The following RALGPS2 variants were observed in gnomAD, a reference collection of about 807,000 sequenced individuals.
The protein encoded by RALGPS2 is ras-specific guanine nucleotide-releasing factor RalGPS2.
A neutral mutation model predicts 86.8 loss-of-function variants in RALGPS2; 43 were observed. The ratio of observed to expected loss-of-function variants is 0.50; its 90% CI spans 0.39 to 0.64. RALGPS2 has a LOEUF of 0.64. RALGPS2 is among the 30% of genes least tolerant of loss of function. RALGPS2 has a pLI of 0.00. For synonymous variants in RALGPS2, 243 were observed against 231.3 expected (o/e 1.05, Z -0.46); for missense variants, 536 against 694.6 (o/e 0.77, Z 2.57).
intron 6 of RALGPS2, among the ~76,000 whole-genome samples, chr1:178,817,584 T>C (rs2102216630): frequency 6.6e-6 from 1 of 152,294 alleles, no homozygotes; most frequent in African/African-American, 2.4e-5. Flanking sequence ...TTCTTCAAGA[T>C]TGTCTTGGCT....
chr1:178,854,993 T>C (rs1657431571), intron 8 of RALGPS2, among the ~76,000 whole-genome samples: 2 of 152,108 alleles, frequency 1.3e-5, no homozygotes, highest in Non-Finnish European at 2.9e-5. Context: ...AGAATTACCC[T>C]AAAGATCTCT....
chr1:178,830,819 C>CG (rs1655978811), intron 7 of RALGPS2, among the ~76,000 whole-genome samples: 1 of 151,804 alleles, frequency 6.6e-6, no homozygotes, highest in African/African-American at 2.4e-5. Flanking sequence ...ATGCAGTGGG[C>CG]GGAAGATATG....
intron 8 of RALGPS2, among the ~76,000 whole-genome samples, chr1:178,844,423 A>G (rs1656768471): frequency 6.6e-6 from 1 of 152,186 alleles, no homozygotes; most frequent in Non-Finnish European, 1.5e-5. Context: ...ATACCACCAA[A>G]TTTATCTGTA....
At chr1:178,802,697 T>C (rs1654538609) in intron 4 of RALGPS2, among the ~76,000 whole-genome samples, 1 of 152,188 alleles carries the variant, frequency 6.6e-6, no homozygotes, top group African/African-American at 2.4e-5. Context: ...GCAGTTATGA[T>C]TTAATATTGC....
intron 1 of RALGPS2, among the ~76,000 whole-genome samples, chr1:178,760,088 T>C (rs1197704031): frequency 1.3e-5 from 2 of 152,208 alleles, no homozygotes; most frequent in African/African-American, 2.4e-5. Context: ...TTTTGTCTGA[T>C]TGCCCTAGCT....
chr1:178,914,773 A>G (rs1660747926), intron 19 of RALGPS2, among the ~76,000 whole-genome samples: 1 of 152,160 alleles, frequency 6.6e-6, no homozygotes, highest in South Asian at 2.1e-4. Context: ...TACCATTTTT[A>G]GCAACCTCCA....
At chr1:178,761,477 G>A (rs914757726) in intron 1 of RALGPS2, among the ~76,000 whole-genome samples, 30 of 151,816 alleles carry the variant, frequency 2.0e-4, no homozygotes, top group African/African-American at 7.0e-4. Context: ...GACTGGGTTT[G>A]TTTGAGAGTC....
At chr1:178,867,774 C>G (rs187382669) in intron 8 of RALGPS2, among the ~76,000 whole-genome samples, 3 of 151,804 alleles carry the variant, frequency 2.0e-5, no homozygotes, top group Non-Finnish European at 2.9e-5. Context: ...TGTATGTATT[C>G]TGTCAGCTGA....
chr1:178,875,014 G>T (rs774677982), intron 8 of RALGPS2, among the ~76,000 whole-genome samples: 3 of 152,128 alleles, frequency 2.0e-5, no homozygotes, highest in Non-Finnish European at 4.4e-5. Context: ...TCAAAAATGT[G>T]TCAAGGGAGA....
At chr1:178,884,689 T>G (rs543345466) in intron 11 of RALGPS2, among the ~76,000 whole-genome samples, 1 of 152,218 alleles carries the variant, frequency 6.6e-6, no homozygotes, top group Non-Finnish European at 1.5e-5. Flanking sequence ...CTACACATTC[T>G]TTATCTAAGA....
chr1:178,856,394 ATTTTTTTTTTTT>A (rs71108081), intron 8 of RALGPS2, among the ~76,000 whole-genome samples: 16 of 36,430 alleles, frequency 4.4e-4, no homozygotes, highest in Admixed American at 2.2e-3. Flanking sequence ...TGCCTGGCTA[ATTTTTTTTTTTT>A]TTTTTTTTTT....
At chr1:178,826,806 C>A (rs969180606) in intron 7 of RALGPS2, among the ~76,000 whole-genome samples, 2 of 151,806 alleles carry the variant, frequency 1.3e-5, no homozygotes, top group Non-Finnish European at 2.9e-5. Context: ...ACAATATCAA[C>A]AAAAGAAACA....
chr1:178,819,320 A>G (rs529272311), intron 6 of RALGPS2, among the ~76,000 whole-genome samples: 54 of 152,160 alleles, frequency 3.5e-4, no homozygotes, highest in African/African-American at 1.3e-3. Context: ...TGAAGTAGTT[A>G]TTTGGGCTGC....
At chr1:178,771,817 T>G (rs1652824605) in intron 1 of RALGPS2, among the ~76,000 whole-genome samples, 1 of 152,212 alleles carries the variant, frequency 6.6e-6, no homozygotes, top group South Asian at 2.1e-4. Context: ...GTAAATTGCT[T>G]CATTCATTTA....
intron 8 of RALGPS2, among the ~76,000 whole-genome samples, chr1:178,838,514 A>G (rs1266807620): frequency 6.6e-6 from 1 of 152,188 alleles, no homozygotes; most frequent in African/African-American, 2.4e-5. Flanking sequence ...CCAAAACCCC[A>G]TCTATATGTC....
intron 4 of RALGPS2, among the ~76,000 whole-genome samples, chr1:178,803,904 A>T (rs977406032): frequency 1.3e-5 from 2 of 152,148 alleles, no homozygotes; most frequent in African/African-American, 4.8e-5. Flanking sequence ...CTTACATCAC[A>T]TGAGTCCAAT....
chr1:178,760,376 G>A (rs1652173888), intron 1 of RALGPS2, among the ~76,000 whole-genome samples: 1 of 152,188 alleles, frequency 6.6e-6, no homozygotes, highest in South Asian at 2.1e-4. Context: ...CTAATTTTGA[G>A]TGTGTATATA....
At chr1:178,838,852 A>C (rs1656427227) in intron 8 of RALGPS2, among the ~76,000 whole-genome samples, 1 of 152,238 alleles carries the variant, frequency 6.6e-6, no homozygotes, top group African/African-American at 2.4e-5. Context: ...ATGGCACAAG[A>C]ACTACGTGAC....
At chr1:178,853,506 G>T (rs1040998971) in intron 8 of RALGPS2, 17 of 1,075,152 alleles carry the variant, frequency 1.6e-5, no homozygotes, top group Non-Finnish European at 2.1e-5. Context: ...TTAACTGTGT[G>T]TCTTATTTAT....
Sources: gnomAD v4.1 joint callset for allele counts (sites outside exome capture counted in the v4.1 genomes callset) on GRCh38, gnomAD v4.1.1 for gene constraint, MANE v1.5 for transcripts, NCBI Gene and HGNC (gene_info 2026-07-23, HGNC 2026-07-21) for gene names.